ERG: variants seen among roughly 807,000 people sequenced by gnomAD.
The protein encoded by ERG is ETS transcription factor ERG.
Under a neutral mutation model 55.3 loss-of-function variants are expected in ERG, and 9 were observed. The ratio of observed to expected loss-of-function variants is 0.16; its 90% CI spans 0.10 to 0.28. The LOEUF is 0.28. Ranked by LOEUF, ERG falls within the 10% of genes least tolerant of loss-of-function variation. ERG has a pLI of 1.00. For synonymous variants in ERG, 223 were observed against 237.3 expected (o/e 0.94, Z 0.55); for missense variants, 434 against 631.6 (o/e 0.69, Z 3.35).
chr21:38,531,998 T>C (rs1163273981), intron 2 of ERG, among the ~76,000 whole-genome samples: 1 of 152,156 alleles, frequency 6.6e-6, no homozygotes, highest in Non-Finnish European at 1.5e-5. Context: ...AAGAAAAATA[T>C]TATTATATTT....
At chr21:38,501,521 A>C (rs1411127200), upstream of ERG, among the ~76,000 whole-genome samples, 1 of 152,094 alleles carries the variant, frequency 6.6e-6, no homozygotes, top group African/African-American at 2.4e-5. Flanking sequence ...TACACCACCC[A>C]GCAGCCTAAG....
chr21:38,538,085 T>C (rs1052609333), intron 2 of ERG, among the ~76,000 whole-genome samples: 6 of 152,204 alleles, frequency 3.9e-5, no homozygotes, highest in Admixed American at 3.3e-4. Context: ...GGACAAATGC[T>C]GTACGATTCC....
chr21:38,443,281 G>C (rs940295933), intron 2 of ERG, among the ~76,000 whole-genome samples: 1 of 152,202 alleles, frequency 6.6e-6, no homozygotes, highest in Non-Finnish European at 1.5e-5. Context: ...CACTCTGCCT[G>C]TTGTCCATCG....
At chr21:38,600,751 A>G (rs940151385) in intron 1 of ERG, among the ~76,000 whole-genome samples, 6 of 152,216 alleles carry the variant, frequency 3.9e-5, no homozygotes, top group Non-Finnish European at 7.3e-5. Flanking sequence ...TTCTGGCTTA[A>G]AGATGCCAAG....
intron 2 of ERG, among the ~76,000 whole-genome samples, chr21:38,559,383 CTTTTTTTTT>C (rs574207119): frequency 2.2e-5 from 2 of 92,076 alleles, no homozygotes; most frequent in African/African-American, 9.6e-5. Context: ...TCCCATTTCC[CTTTTTTTTT>C]TTTTTTTTTT....
intron 3 of ERG, among the ~76,000 whole-genome samples, chr21:38,417,625 C>A (rs888150746): frequency 3.3e-5 from 5 of 151,948 alleles, no homozygotes; most frequent in African/African-American, 4.8e-5. Context: ...CCCGTCTCTA[C>A]TACAAATACA....
intron 3 of ERG, among the ~76,000 whole-genome samples, chr21:38,409,519 T>C (rs1988943433): frequency 1.4e-5 from 2 of 140,466 alleles, no homozygotes; most frequent in Non-Finnish European, 3.1e-5. Flanking sequence ...AAAGACTCCG[T>C]GATCCAAGGA....
intron 2 of ERG, among the ~76,000 whole-genome samples, chr21:38,553,751 C>G (rs2059839668): frequency 6.6e-6 from 1 of 152,046 alleles, no homozygotes; most frequent in Admixed American, 6.6e-5. Flanking sequence ...CTAGAACATA[C>G]CATTCTGGAC....
intron 1 of ERG, among the ~76,000 whole-genome samples, chr21:38,649,466 T>C (rs992439114): frequency 6.6e-6 from 1 of 152,240 alleles, no homozygotes; most frequent in African/African-American, 2.4e-5. Context: ...TAAGCACTTG[T>C]GGCTTACATC....
At chr21:38,467,816 A>G (rs1294407693) in intron 1 of ERG, among the ~76,000 whole-genome samples, 1 of 152,164 alleles carries the variant, frequency 6.6e-6, no homozygotes, top group Non-Finnish European at 1.5e-5. Flanking sequence ...TGATTATGTG[A>G]CTTTCTGGAA....
At chr21:38,526,771 T>C (rs2059633030) in intron 2 of ERG, among the ~76,000 whole-genome samples, 1 of 152,154 alleles carries the variant, frequency 6.6e-6, no homozygotes, top group Non-Finnish European at 1.5e-5. Flanking sequence ...AACGTTATAA[T>C]AAAAATGTTA....
In ERG at chr21:38,383,132, C is replaced by A; in HGVS notation, c.*271G>T. 8.5e-7 allele frequency: 1 copy of A among 1,182,730 alleles called. No homozygotes were observed. The highest frequency in any genetic ancestry group is 1.0e-6 in the Non-Finnish European group (1 of 956,102). The allele number at this position is 1,182,730 out of a possible 1,614,324, so 73.3% of individuals were successfully genotyped here. On this transcript the variant is annotated 3_prime_UTR_variant, in exon 10 of 10. Coordinates refer to ENST00000288319, the MANE Select transcript of ERG (RefSeq NM_182918.4). This position sits in a 1 kb window ranked among gnomAD's most constrained non-coding sequence, Gnocchi z 5.7. ...TTTCTTTGGCACTTTGTCCTTAAGA[C>A]TTCATGCTTCTACATACACTGTCTT... is the stretch of plus-strand genomic sequence containing the variant.
chr21:38,657,455 A>G (rs1339395529), intron 1 of ERG, among the ~76,000 whole-genome samples: 1 of 152,218 alleles, frequency 6.6e-6, no homozygotes, highest in Non-Finnish European at 1.5e-5. Context: ...CATTTTACTT[A>G]TACTTAAATT....
intron 1 of ERG, among the ~76,000 whole-genome samples, chr21:38,654,290 C>T (rs1244983955): frequency 2.0e-5 from 3 of 152,192 alleles, no homozygotes; most frequent in African/African-American, 7.2e-5. Flanking sequence ...CCAGCCTGGC[C>T]AATGTGGCGA....
chr21:38,592,557 G>T (rs2060107022), intron 1 of ERG, among the ~76,000 whole-genome samples: 1 of 142,380 alleles, frequency 7.0e-6, no homozygotes, highest in Non-Finnish European at 1.5e-5. Context: ...GCTGCTTATT[G>T]TCATCTCCCT....
chr21:38,498,260 G>A lies in ERG; in HGVS notation c.18+103C>T. 1 of 946,292 alleles carries A rather than the reference G, an allele frequency of 1.1e-6. No individual in the cohort carries two copies. Among genetic ancestry groups the A allele is most frequent in the South Asian group, 1.4e-5 (1 of 71,496 alleles). 58.6% of individuals were successfully genotyped at this position (946,292 alleles called of 1,614,324 possible). A position where few individuals can be genotyped will look rare whatever the true frequency, so the allele number is the denominator to read the frequency against. On this transcript the variant is annotated intron_variant, in intron 1 of 9. Coordinates refer to ENST00000288319, the MANE Select transcript of ERG (RefSeq NM_182918.4). The surrounding 1 kb of genome is among the most constrained non-coding windows in gnomAD (Gnocchi z 4.6). ...TCTTGTTGTCCTCTATTGTGGCAGT[G>A]GGGGTGTTGCCCAACCCTAACTTAT...
intron 1 of ERG, among the ~76,000 whole-genome samples, chr21:38,589,965 A>G (rs1449057137): frequency 6.6e-6 from 1 of 152,148 alleles, no homozygotes; most frequent in Non-Finnish European, 1.5e-5. Flanking sequence ...CTCTTTTACC[A>G]TCTGTATCCA....
At chr21:38,616,534 G>A (rs892580063) in intron 1 of ERG, among the ~76,000 whole-genome samples, 11 of 152,182 alleles carry the variant, frequency 7.2e-5, no homozygotes, top group African/African-American at 2.2e-4. Context: ...CATGAACACC[G>A]AGACAGTGCC....
Position 38,383,666 on chromosome 21 carries a change from G to A in ERG, c.1177C>T (p.His393Tyr). The change falls in exon 10 of 10, where the codon CAC (histidine) becomes TAC (tyrosine). Residue 393 changes from histidine to tyrosine, a missense_variant. Around this residue, in one of 5 missense-constraint regions of ERG, gnomAD observed 107 missense variants for 126.8 expected, o/e 0.84. Transcript: ENST00000288319. The surrounding 1 kb of genome is among the most constrained non-coding windows in gnomAD (Gnocchi z 5.7). ...GGCTGGAGGGCCTGGGCGATCCCGT[G>A]GAAGTCGAACTTGTAGGCGTAGCGC... ...GKRYAYKFDF[H>Y]GIAQALQPHP... 1 of 1,614,186 alleles carries A rather than the reference G, an allele frequency of 6.2e-7. No homozygotes were observed. Among genetic ancestry groups the A allele is most frequent in the Non-Finnish European group, 8.5e-7 (1 of 1,180,036 alleles).
Sources: gnomAD v4.1 joint callset for allele counts (sites outside exome capture counted in the v4.1 genomes callset) on GRCh38, gnomAD v4.1.1 for gene constraint, gnomAD v4.1.1 regional missense constraint, Gnocchi (gnomAD v3.1) non-coding constraint, MANE v1.5 for transcripts, NCBI Gene and HGNC (gene_info 2026-07-23, HGNC 2026-07-21) for gene names.